Variants in PRKCZ observed in about 807,000 individuals in gnomAD.
PRKCZ encodes protein kinase C zeta, also known as protein kinase C zeta type.
PRKCZ carries 33 observed loss-of-function variants against 79.5 expected under a neutral mutation model. That is an observed-to-expected ratio of 0.41 (90% CI 0.31 to 0.55). The LOEUF (loss-of-function observed/expected upper bound fraction) is 0.55. Among genes scored for constraint, PRKCZ ranks in the 20% least tolerant of loss-of-function variants. The pLI is 0.19. For synonymous variants in PRKCZ, 342 were observed against 320.9 expected, an observed-to-expected ratio of 1.07 and a Z score of -0.70; for missense variants, 578 against 813.5, an observed-to-expected ratio of 0.71 and a Z score of 3.52.
At chr1:2,122,170 T>TGGC (rs201035449) in intron 4 of PRKCZ, among the ~76,000 whole-genome samples, 2 of 6,904 alleles carry the variant, frequency 2.9e-4, no homozygotes, top group African/African-American at 7.9e-4. Flanking sequence ...GTTAGGGTCG[T>TGGC]GGTGGTTAGG....
At chr1:2,155,599 A>G (rs1022014358) in intron 9 of PRKCZ, among the ~76,000 whole-genome samples, 4 of 89,150 alleles carry the variant, frequency 4.5e-5, no homozygotes, top group South Asian at 8.3e-4. Context: ...GGTGGTGGTG[A>G]TGATGACAGT....
At position 2,157,362 on chromosome 1, in the gene PRKCZ, GCA is replaced by G. The variant is rs112911607; in HGVS notation, c.974+1277_974+1278del. ...CACGAGCATAAGGCATCCTGTTCAG[GCA>G]CACACAGTTTGGGCACAGCAAGCAG... On this transcript the variant is annotated intron_variant, in intron 10 of 17. Coordinates refer to ENST00000378567, the MANE Select transcript of PRKCZ (RefSeq NM_002744.6). Among the ~76,000 whole-genome samples the G allele has an allele frequency of 3.8e-3, 583 of 152,096 alleles. 3 individuals are homozygous for G. Among genetic ancestry groups the G allele is most frequent in the African/African-American group, 0.013 (549 of 41,472 alleles).
chr1:2,117,998 C>CTTTTT (rs1553152756), intron 4 of PRKCZ, among the ~76,000 whole-genome samples: 1 of 65,058 alleles, frequency 1.5e-5, no homozygotes, highest in African/African-American at 6.2e-5. Flanking sequence ...CCTATTATTT[C>CTTTTT]TTTTTTTTTT....
At chr1:2,182,189 C>T (rs1286198301) in intron 16 of PRKCZ, 1 of 224,722 alleles carries the variant, frequency 4.4e-6, no homozygotes, top group Non-Finnish European at 9.1e-6. Context: ...CGATTCCGTT[C>T]CCAGTTTGGC....
At chr1:2,091,839 G>A (rs1160817119) in intron 4 of PRKCZ, among the ~76,000 whole-genome samples, 1 of 152,230 alleles carries the variant, frequency 6.6e-6, no homozygotes, top group Admixed American at 6.5e-5. Flanking sequence ...GACCCCAGGC[G>A]GGAGGACAGA....
intron 4 of PRKCZ, among the ~76,000 whole-genome samples, chr1:2,073,181 G>GC (rs1046635573): frequency 6.6e-6 from 1 of 152,098 alleles, no homozygotes; most frequent in Non-Finnish European, 1.5e-5. Context: ...CTGAGGGTGT[G>GC]CGTTTCCAGG....
intron 7 of PRKCZ, 44 bp from the exon 8 acceptor site, chr1:2,148,828 C>G: frequency 6.2e-7 from 1 of 1,601,984 alleles, no homozygotes; most frequent in Non-Finnish European, 8.5e-7. Context: ...CAGTGCGTTC[C>G]TGACCACACC....
At chr1:2,135,611 C>A (rs1676032883) in intron 5 of PRKCZ, among the ~76,000 whole-genome samples, 1 of 152,250 alleles carries the variant, frequency 6.6e-6, no homozygotes, top group Non-Finnish European at 1.5e-5. Flanking sequence ...TGACTCTTAT[C>A]AGGGCTCAGG....
At chr1:2,055,585 CA>C (rs1660088668) in intron 2 of PRKCZ, 23 bp downstream of exon 2, 1 of 1,606,094 alleles carries the variant, frequency 6.2e-7, no homozygotes, top group Admixed American at 1.7e-5. Context: ...CCATGTTGGC[CA>C]GAATCCTCAG....
At chr1:2,142,375 GCGCCCTCCTTTC>G (rs1677542120) in intron 5 of PRKCZ, 2 of 56,946 alleles carry the variant, frequency 3.5e-5, no homozygotes, top group Admixed American at 3.4e-4. Flanking sequence ...AGCAGCCGAA[GCGCCCTCCTTTC>G]AATCCAGGGT....
chr1:2,054,021 G>A (rs745626078), intron 1 of PRKCZ, among the ~76,000 whole-genome samples: 1 of 152,222 alleles, frequency 6.6e-6, no homozygotes, highest in Non-Finnish European at 1.5e-5. Flanking sequence ...ACTGGGTGAG[G>A]CCTGTGGGGC....
intron 5 of PRKCZ, among the ~76,000 whole-genome samples, chr1:2,136,972 C>A (rs1020071196): frequency 6.6e-6 from 1 of 152,172 alleles, no homozygotes; most frequent in Admixed American, 6.5e-5. Context: ...TTAGGGAGAA[C>A]TGGCCCTCGG....
At chr1:2,048,570 C>T (rs1044880334), upstream of PRKCZ, among the ~76,000 whole-genome samples, 8 of 152,122 alleles carry the variant, frequency 5.3e-5, no homozygotes, top group Non-Finnish European at 1.2e-4. Context: ...AGCTGGCCTT[C>T]CCTCCAGGAG....
At position 2,178,062 on chromosome 1, in the gene PRKCZ, T is replaced by C. The variant is rs947645435; in HGVS notation, c.1575+2749T>C. ...TGGTGTGGGGTCACCACCACCCCCATGTGACCTTGGCAGAAGGAAGGTCCT... is the reference window on the plus strand; with the variant it reads ...TGGTGTGGGGTCACCACCACCCCCACGTGACCTTGGCAGAAGGAAGGTCCT... On this transcript the variant is annotated intron_variant, in intron 16 of 17. Transcript: ENST00000378567. This position sits in a 1 kb window ranked among gnomAD's most constrained non-coding sequence, Gnocchi z 4.3. 1.3e-5 allele frequency among the ~76,000 whole-genome samples: 2 copies of C among 152,200 alleles called. No individual in the cohort carries two copies. Among genetic ancestry groups the C allele is most frequent in the Admixed American group, 6.5e-5 (1 of 15,280 alleles).
chr1:2,109,044 T>C (rs1379961281), intron 4 of PRKCZ, among the ~76,000 whole-genome samples: 1 of 152,018 alleles, frequency 6.6e-6, no homozygotes, highest in Non-Finnish European at 1.5e-5. Flanking sequence ...CGCCCCCCCA[T>C]CCCTCTTGTG....
chr1:2,153,992 A>G (rs1158027790), intron 9 of PRKCZ, among the ~76,000 whole-genome samples: 1 of 152,214 alleles, frequency 6.6e-6, no homozygotes, highest in South Asian at 2.1e-4. Flanking sequence ...AGCCCCACGC[A>G]GGGCCTTGAA....
At chr1:2,093,226 C>T (rs549713184) in intron 4 of PRKCZ, among the ~76,000 whole-genome samples, 3 of 152,040 alleles carry the variant, frequency 2.0e-5, no homozygotes, top group Admixed American at 6.5e-5. Flanking sequence ...TCCTGGTGGA[C>T]ACCAGGTGCA....
chr1:2,050,403 T>A (rs1659528123), upstream of PRKCZ: 1 of 177,778 alleles, frequency 5.6e-6, no homozygotes. Context: ...TCCACCTCGG[T>A]CCGCCATGTT....
chr1:2,120,904 C>G (rs1230554360), intron 4 of PRKCZ, among the ~76,000 whole-genome samples: 1 of 151,072 alleles, frequency 6.6e-6, no homozygotes, highest in African/African-American at 2.4e-5. Flanking sequence ...ACCTCCGCCT[C>G]CCAGGTTCAA....
Sources: gnomAD v4.1 joint callset for allele counts (sites outside exome capture counted in the v4.1 genomes callset) on GRCh38, gnomAD v4.1.1 for gene constraint, Gnocchi (gnomAD v3.1) non-coding constraint, MANE v1.5 for transcripts, NCBI Gene and HGNC (gene_info 2026-07-23, HGNC 2026-07-21) for gene names.